SYNJ2BP: variants seen among roughly 807,000 people sequenced by gnomAD.
SYNJ2BP encodes synaptojanin 2 binding protein.
SYNJ2BP carries 10 observed loss-of-function variants against 16.9 expected under a neutral mutation model. That is an observed-to-expected ratio of 0.59 (90% CI 0.36 to 1.00). The LOEUF (loss-of-function observed/expected upper bound fraction) is 1.00, where lower values mean the gene tolerates loss of function less well. Ranked by LOEUF, SYNJ2BP falls within the 50% of genes least tolerant of loss-of-function variation. The pLI is 0.01. For synonymous variants in SYNJ2BP, 54 were observed against 68.4 expected (o/e 0.79, Z 1.04); for missense variants, 162 against 186.7 (o/e 0.87, Z 0.77).
At chr14:70,411,769 A>G (rs1290369323) in intron 1 of SYNJ2BP, among the ~76,000 whole-genome samples, 1 of 152,212 alleles carries the variant, frequency 6.6e-6, no homozygotes, top group Non-Finnish European at 1.5e-5. Context: ...TTCCCAACAC[A>G]GGGTCAGATT....
In SYNJ2BP at chr14:70,370,787, C is replaced by G. The variant is rs576800891; in HGVS notation, c.*2204G>C. 1 of 152,310 alleles carries G rather than the reference C, an allele frequency of 6.6e-6. No individual in the cohort carries two copies. The highest frequency in any genetic ancestry group is 2.1e-4 in the South Asian group (1 of 4,820). 9.4% of individuals were successfully genotyped at this position (152,310 alleles called of 1,614,324 possible). A position where few individuals can be genotyped will look rare whatever the true frequency, so the allele number is the denominator to read the frequency against. On this transcript the variant is annotated 3_prime_UTR_variant, in exon 4 of 4. Coordinates refer to ENST00000256366, the MANE Select transcript of SYNJ2BP (RefSeq NM_018373.3). ...GAATTCTCTTAACTAGGCTGTGAGG[C>G]CCTTAAGGGTCTTCAACTTGTCCCT...
At chr14:70,373,937 C>T (rs1269942001) in intron 3 of SYNJ2BP, among the ~76,000 whole-genome samples, 25 of 152,140 alleles carry the variant, frequency 1.6e-4, no homozygotes, top group Admixed American at 1.6e-3. Flanking sequence ...ACTCATAAAA[C>T]TGACACTTCA....
chr14:70,399,394 C>A (rs1324349916), intron 1 of SYNJ2BP, among the ~76,000 whole-genome samples: 2 of 152,212 alleles, frequency 1.3e-5, no homozygotes, highest in Non-Finnish European at 2.9e-5. Context: ...CAAGGCACTG[C>A]CCGGGGCCCA....
chr14:70,388,845 C>G (rs998591920), intron 1 of SYNJ2BP, among the ~76,000 whole-genome samples: 1 of 151,928 alleles, frequency 6.6e-6, no homozygotes, highest in Non-Finnish European at 1.5e-5. Context: ...AGTGATCCAC[C>G]TGTTTTGTTC....
chr14:70,414,449 C>T (rs1482381022), intron 1 of SYNJ2BP, among the ~76,000 whole-genome samples: 2 of 152,086 alleles, frequency 1.3e-5, no homozygotes, highest in Non-Finnish European at 2.9e-5. Context: ...GAAGCTTGTC[C>T]GAATGCCAAT....
intron 1 of SYNJ2BP, among the ~76,000 whole-genome samples, chr14:70,394,267 G>A (rs561454358): frequency 6.6e-6 from 1 of 152,134 alleles, no homozygotes; most frequent in South Asian, 2.1e-4. Context: ...AGACACATTA[G>A]AGTGGGTACT....
At position 70,367,669 on chromosome 14, in the gene SYNJ2BP, T is replaced by C. The variant is rs905352158; in HGVS notation, c.*5322A>G. ...TCACAATTGCCCTTTTGGATGTGAG[T>C]GCTGGTCTCAAAAAGATTTGCAGTT... On this transcript the variant is annotated 3_prime_UTR_variant, in exon 4 of 4. Transcript: ENST00000256366. 1 of 151,394 alleles carries C rather than the reference T, an allele frequency of 6.6e-6. No homozygotes were observed. Among genetic ancestry groups the C allele is most frequent in the African/African-American group, 2.4e-5 (1 of 41,140 alleles). The allele number at this position is 151,394 out of a possible 1,614,324, so 9.4% of individuals were successfully genotyped here.
In SYNJ2BP at chr14:70,388,640, G is replaced by A. The variant is rs137864690; in HGVS notation, c.65-34C>T. ...ATCATGGAGGAGTAAAAAGATGGGGGTGAAGAAGAAAGAAAGAGATTAGAG... is the reference window on the plus strand; with the variant it reads ...ATCATGGAGGAGTAAAAAGATGGGGATGAAGAAGAAAGAAAGAGATTAGAG... On this transcript the variant is annotated intron_variant, in intron 1 of 3. Coordinates refer to ENST00000256366, the MANE Select transcript of SYNJ2BP (RefSeq NM_018373.3). 788 of 1,455,522 alleles carry A rather than the reference G, an allele frequency of 5.4e-4. 2 individuals are homozygous for A. In the African/African-American group the frequency reaches 9.7e-3, roughly 18 times the overall value. The allele number at this position is 1,455,522 out of a possible 1,614,324, so 90.2% of individuals were successfully genotyped here.
At chr14:70,394,078 C>T (rs1888038392) in intron 1 of SYNJ2BP, among the ~76,000 whole-genome samples, 1 of 150,638 alleles carries the variant, frequency 6.6e-6, no homozygotes, top group Non-Finnish European at 1.5e-5. Flanking sequence ...AGACAGAAAC[C>T]TATTACAGCT....
intron 2 of SYNJ2BP, among the ~76,000 whole-genome samples, chr14:70,383,289 T>A (rs1566616757): frequency 1.3e-5 from 2 of 152,330 alleles, no homozygotes; most frequent in Admixed American, 6.5e-5. Context: ...TGCAGCTGAT[T>A]GGATGAGGGT....
rs577823228 is a variant in SYNJ2BP, at chr14:70,370,712, G to A, written c.*2279C>T. ...TTTTGCATGGTACCCCTTTAATATT[G>A]TTTTCAATACTTAGCCTGCTGATAT... On this transcript the variant is annotated 3_prime_UTR_variant, in exon 4 of 4. Transcript: ENST00000256366. 6.6e-6 allele frequency: 1 copy of A among 152,076 alleles called. No homozygotes were observed. The highest frequency in any genetic ancestry group is 2.1e-4 in the South Asian group (1 of 4,812). 9.4% of individuals were successfully genotyped at this position (152,076 alleles called of 1,614,324 possible).
rs1295760821 is a variant in SYNJ2BP at position 70,375,234 on chromosome 14, C to T, written c.297+442G>A. Among the ~76,000 whole-genome samples the T allele has an allele frequency of 2.0e-5, 3 of 147,246 alleles. No individual in the cohort carries two copies. The East Asian group carries it at 6.1e-4, about 30-fold the overall frequency. On this transcript the variant is annotated intron_variant, in intron 3 of 3. Transcript: ENST00000256366. ...TTTTTTTTTTTGAGACAGGGTCTCA[C>T]TCTCTTGCCCAGGCTGGAGTATAGT... is the stretch of plus-strand genomic sequence containing the variant.
At chr14:70,405,153 G>A (rs79318766) in intron 1 of SYNJ2BP, among the ~76,000 whole-genome samples, 13,826 of 151,880 alleles carry the variant, frequency 0.091, 894 homozygotes, top group East Asian at 0.35. Flanking sequence ...ATCAATCAAT[G>A]ATAGGAAAGA....
chr14:70,382,105 A>C (rs1008560164), intron 2 of SYNJ2BP, among the ~76,000 whole-genome samples: 1 of 152,092 alleles, frequency 6.6e-6, no homozygotes, highest in Admixed American at 6.6e-5. Context: ...ACGTGGTGGC[A>C]GGCGCCTGTA....
Position 70,407,157 on chromosome 14 carries a change from G to A in SYNJ2BP, c.64+9743C>T, listed in dbSNP as rs1044979590. ...AAAATGGCAAAAACCGGCCAGGTGC[G>A]GTGGCTCACACCTGTACTCCTAGCA... is the stretch of plus-strand genomic sequence containing the variant. On this transcript the variant is annotated intron_variant, in intron 1 of 3. Coordinates refer to ENST00000256366, the MANE Select transcript of SYNJ2BP (RefSeq NM_018373.3). 4.1e-4 allele frequency among the ~76,000 whole-genome samples: 62 copies of A among 152,144 alleles called. 1 individual carries two copies. The highest frequency in any genetic ancestry group is 1.6e-3 in the Admixed American group (24 of 15,276).
intron 1 of SYNJ2BP, among the ~76,000 whole-genome samples, chr14:70,415,727 G>A (rs367571021): frequency 1.3e-5 from 2 of 152,144 alleles, no homozygotes; most frequent in Admixed American, 1.3e-4. Context: ...AAACAGGAGT[G>A]AAAGAATTTC....
chr14:70,415,790 T>C (rs1888593294), intron 1 of SYNJ2BP, among the ~76,000 whole-genome samples: 2 of 152,190 alleles, frequency 1.3e-5, no homozygotes, highest in African/African-American at 2.4e-5. Flanking sequence ...TTAGAGACTC[T>C]TGGAATACAG....
intron 1 of SYNJ2BP, among the ~76,000 whole-genome samples, chr14:70,403,009 C>G (rs1888272895): frequency 6.6e-6 from 1 of 152,186 alleles, no homozygotes; most frequent in Non-Finnish European, 1.5e-5. Flanking sequence ...AGATACTTTT[C>G]CTGGCAATCT....
At chr14:70,406,889 G>A (rs536271839) in intron 1 of SYNJ2BP, among the ~76,000 whole-genome samples, 9 of 152,240 alleles carry the variant, frequency 5.9e-5, no homozygotes, top group South Asian at 2.1e-4. Context: ...TACAGCTAGC[G>A]CTGTGTGAAT....
Sources: allele counts gnomAD v4.1 joint callset (sites outside exome capture counted in the v4.1 genomes callset), GRCh38; gene constraint gnomAD v4.1.1; transcripts MANE v1.5; gene names NCBI Gene and HGNC (gene_info 2026-07-23, HGNC 2026-07-21).